The following ELP4 variants were observed in gnomAD, a reference collection of about 807,000 sequenced individuals.
ELP4 encodes elongator complex protein 4.
A neutral mutation model predicts 48.9 loss-of-function variants in ELP4; 51 were observed. The ratio of observed to expected loss-of-function variants is 1.04; its 90% CI spans 0.83 to 1.32. The LOEUF (loss-of-function observed/expected upper bound fraction) is 1.32. Among genes scored for constraint, ELP4 ranks in the 40% most tolerant of loss-of-function variants. The pLI is 0.00. For synonymous variants in ELP4, 210 were observed against 189.2 expected (o/e 1.11, Z -0.90); for missense variants, 519 against 514.6 (o/e 1.01, Z -0.08).
rs142655772 is a variant in ELP4 at position 31,542,003 on chromosome 11, G to A, written c.381+2220G>A. Reference sequence around the variant, plus strand: ...TAAAAAATACACCGTGTCTGACCAAGCTGCACATGTCTGACCAAGATAGAT... The same window carrying A: ...TAAAAAATACACCGTGTCTGACCAAACTGCACATGTCTGACCAAGATAGAT... On this transcript the variant is annotated intron_variant, in intron 3 of 9. Transcript: ENST00000640961. 2.6e-5 allele frequency among the ~76,000 whole-genome samples: 4 copies of A among 152,278 alleles called. No individual in the cohort carries two copies. The East Asian group carries it at 7.7e-4, about 29-fold the overall frequency.
chr11:31,746,468 G>A (rs912960214), intron 9 of ELP4, among the ~76,000 whole-genome samples: 3 of 152,204 alleles, frequency 2.0e-5, no homozygotes, highest in Non-Finnish European at 4.4e-5. Context: ...ATTCACAATA[G>A]CAAATACTTG....
intron 9 of ELP4, among the ~76,000 whole-genome samples, chr11:31,690,403 A>G (rs1005135191): frequency 4.6e-5 from 7 of 152,096 alleles, no homozygotes; most frequent in African/African-American, 1.7e-4. Flanking sequence ...GTCACTGACC[A>G]AATACCCCTT....
At chr11:31,734,991 A>C (rs1179718879) in intron 9 of ELP4, among the ~76,000 whole-genome samples, 1 of 152,178 alleles carries the variant, frequency 6.6e-6, no homozygotes, top group Non-Finnish European at 1.5e-5. Flanking sequence ...AAACAGTATA[A>C]TACTGGCATA....
chr11:31,781,342 C>G (rs1166136661), intron 9 of ELP4, among the ~76,000 whole-genome samples: 2 of 152,142 alleles, frequency 1.3e-5, no homozygotes, highest in Middle Eastern at 3.4e-3. Flanking sequence ...GCAATAACTA[C>G]AAGATCTTAA....
In ELP4 at chr11:31,786,925, T is replaced by C; in HGVS notation, c.*3401T>C. On this transcript the variant is annotated 3_prime_UTR_variant, in exon 10 of 10. Transcript: ENST00000640961. The stretch of plus-strand genomic sequence containing the variant: ...ATTTAGACGTTTAGTCCTGGGATTC[T>C]ACTGAAGTCTTCACAAATAATCTCC... 4.5e-6 allele frequency: 1 copy of C among 220,558 alleles called. No homozygotes were observed. Among genetic ancestry groups the C allele is most frequent in the Non-Finnish European group, 9.1e-6 (1 of 110,088 alleles). 13.7% of individuals were successfully genotyped at this position (220,558 alleles called of 1,614,324 possible).
intron 9 of ELP4, among the ~76,000 whole-genome samples, chr11:31,675,804 C>T (rs1047958328): frequency 2.0e-5 from 3 of 151,996 alleles, no homozygotes; most frequent in Non-Finnish European, 2.9e-5. Flanking sequence ...TTACTATTTA[C>T]CCAACATTCA....
intron 9 of ELP4, among the ~76,000 whole-genome samples, chr11:31,774,570 G>A (rs1396215307): frequency 6.6e-6 from 1 of 152,176 alleles, no homozygotes; most frequent in African/African-American, 2.4e-5. Context: ...TTTGCTTAAA[G>A]TGGCAAGAAG....
intron 3 of ELP4, among the ~76,000 whole-genome samples, chr11:31,544,152 G>A (rs1297339327): frequency 3.3e-5 from 5 of 152,230 alleles, no homozygotes; most frequent in Non-Finnish European, 5.9e-5. Flanking sequence ...GTGGGCGCAG[G>A]TCAGTGGGTG....
intron 5 of ELP4, among the ~76,000 whole-genome samples, chr11:31,623,765 A>G (rs946693255): frequency 4.1e-5 from 6 of 147,248 alleles, no homozygotes; most frequent in East Asian, 2.1e-4. Flanking sequence ...TCAACAGAGT[A>G]AAAAAAAAAC....
chr11:31,638,798 T>C (rs1161650174), intron 7 of ELP4, among the ~76,000 whole-genome samples: 2 of 151,886 alleles, frequency 1.3e-5, no homozygotes, highest in Non-Finnish European at 2.9e-5. Flanking sequence ...AGTCTAGCAA[T>C]GGACCGCTTT....
At chr11:31,629,978 A>ATT (rs1944825107) in intron 6 of ELP4, among the ~76,000 whole-genome samples, 2 of 152,070 alleles carry the variant, frequency 1.3e-5, no homozygotes, top group Non-Finnish European at 2.9e-5. Flanking sequence ...ATTCACCAGA[A>ATT]ATGTATTTAT....
chr11:31,643,429 C>A (rs1205230707), intron 7 of ELP4, among the ~76,000 whole-genome samples: 1 of 151,698 alleles, frequency 6.6e-6, no homozygotes, highest in East Asian at 1.9e-4. Context: ...CTTCTTAATC[C>A]TCTTACTAAA....
At chr11:31,737,877 G>A (rs1947354423) in intron 9 of ELP4, among the ~76,000 whole-genome samples, 1 of 152,150 alleles carries the variant, frequency 6.6e-6, no homozygotes, top group South Asian at 2.1e-4. Context: ...GGAAAACAGT[G>A]TGGAGGTTCC....
intron 1 of ELP4, among the ~76,000 whole-genome samples, chr11:31,514,561 T>C (rs993843093): frequency 2.6e-5 from 4 of 152,248 alleles, no homozygotes; most frequent in African/African-American, 9.6e-5. Context: ...GCCGTTTTAC[T>C]ACTTTCTTGC....
intron 9 of ELP4, among the ~76,000 whole-genome samples, chr11:31,776,654 T>C (rs1230153045): frequency 1.3e-5 from 2 of 152,228 alleles, no homozygotes; most frequent in Non-Finnish European, 2.9e-5. Context: ...TCAGTTATAA[T>C]TGACGGTCAA....
chr11:31,727,733 A>G (rs1011191130), intron 9 of ELP4: 4 of 152,198 alleles, frequency 2.6e-5, no homozygotes, highest in African/African-American at 9.7e-5. Context: ...TACTCGAATA[A>G]TGAAGAATTA....
rs752746233 is a variant in ELP4, at chr11:31,790,293, G to A, written c.*6769G>A. 1 of 592,320 alleles carries A rather than the reference G, an allele frequency of 1.7e-6. No homozygotes were observed. Among genetic ancestry groups the A allele is most frequent in the Non-Finnish European group, 2.6e-6 (1 of 387,380 alleles). 36.7% of individuals were successfully genotyped at this position (592,320 alleles called of 1,614,324 possible). ...AAATCCTCTGTTTGTTTGCATGTTT[G>A]GAACTTTTACAATAAAGCTGTCTCT... On this transcript the variant is annotated 3_prime_UTR_variant, in exon 10 of 10. Coordinates refer to ENST00000640961, the MANE Select transcript of ELP4 (RefSeq NM_019040.5).
At chr11:31,710,750 C>T (rs774533697) in intron 9 of ELP4, among the ~76,000 whole-genome samples, 1 of 151,934 alleles carries the variant, frequency 6.6e-6, no homozygotes, top group Non-Finnish European at 1.5e-5. Context: ...CTTCAGCATA[C>T]GGATGAGAAG....
chr11:31,630,161 T>C (rs866792338), intron 6 of ELP4, among the ~76,000 whole-genome samples: 1 of 151,512 alleles, frequency 6.6e-6, no homozygotes, highest in African/African-American at 2.4e-5. Context: ...GCTGCCTACA[T>C]AGTACAATCA....
Sources: gnomAD v4.1 joint callset for allele counts (sites outside exome capture counted in the v4.1 genomes callset) on GRCh38, gnomAD v4.1.1 for gene constraint, MANE v1.5 for transcripts, NCBI Gene and HGNC (gene_info 2026-07-23, HGNC 2026-07-21) for gene names.